Variants in HOXC4 observed in about 807,000 individuals in gnomAD.
The protein encoded by HOXC4 is homeobox C4.
In HOXC4, 15 loss-of-function variants were observed where a neutral mutation model predicts 25.5. The observed-to-expected ratio is 0.59, with a 90% confidence interval of 0.39 to 0.91. The LOEUF is 0.91. HOXC4 is among the 40% of genes least tolerant of loss of function. The pLI is 0.00. For synonymous variants in HOXC4, 165 were observed against 148.0 expected, an observed-to-expected ratio of 1.11 and a Z score of -0.83; for missense variants, 342 against 352.4, an observed-to-expected ratio of 0.97 and a Z score of 0.24.
upstream of HOXC4, among the ~76,000 whole-genome samples, chr12:54,053,604 G>C (rs887664795): frequency 6.6e-6 from 1 of 152,166 alleles, no homozygotes; most frequent in Non-Finnish European, 1.5e-5. Flanking sequence ...GGGGAGCCGG[G>C]AGCTTCCCAT....
chr12:54,023,120 C>T (rs554653904), intron 1 of HOXC4, among the ~76,000 whole-genome samples: 2 of 152,200 alleles, frequency 1.3e-5, no homozygotes, highest in Non-Finnish European at 2.9e-5. Context: ...TGTCCCCAGG[C>T]TCTCCCCAAG....
At chr12:54,043,827 T>C (rs1452469838) in intron 1 of HOXC4, among the ~76,000 whole-genome samples, 2 of 152,004 alleles carry the variant, frequency 1.3e-5, no homozygotes, top group African/African-American at 2.4e-5. Context: ...AACTCCAAAC[T>C]CCTCAGGGCT....
At position 54,054,912 on chromosome 12, in the gene HOXC4, G is replaced by A. The variant is rs1443925806; in HGVS notation, c.502G>A (p.Val168Ile). The part of the protein sequence containing the change: ...RSRTAYTRQQ[V>I]LELEKEFHYN... ...GAGGACAGCCTATACCCGGCAGCAA[G>A]TCCTGGAATTAGAGAAAGAGTTTCA... Residue 168 changes from valine (V) to isoleucine (I), a missense_variant, in exon 2 of 2, where the codon GTC (valine) becomes ATC (isoleucine). Physicochemically the swap from Val to Ile is conservative, Grantham distance 29. Coordinates refer to ENST00000430889, the MANE Select transcript of HOXC4 (RefSeq NM_153633.3). The A allele has an allele frequency of 1.2e-6, 2 of 1,613,978 alleles. No homozygotes were observed. The highest frequency in any genetic ancestry group is 1.3e-5 in the African/African-American group (1 of 74,886).
intron 1 of HOXC4, among the ~76,000 whole-genome samples, chr12:54,029,103 GC>G (rs1460794656): frequency 1.3e-5 from 2 of 152,142 alleles, no homozygotes; most frequent in Non-Finnish European, 2.9e-5. Context: ...GCTTGCAGGG[GC>G]CTGGCCCCCT....
rs1226966524 is a variant in HOXC4, at chr12:54,055,002, A to G, written c.592A>G (p.Arg198Gly). The G allele has an allele frequency of 7.4e-6, 12 of 1,614,030 alleles. 1 individual carries two copies. In the South Asian group the frequency reaches 1.3e-4, roughly 18 times the overall value. The part of the protein sequence containing the change: ...EIAHSLCLSE[R>G]QIKIWFQNRR... Reference sequence around the variant, plus strand: ...CGCCCACTCGCTGTGCCTCTCTGAGAGGCAGATCAAAATCTGGTTCCAAAA... The same window carrying G: ...CGCCCACTCGCTGTGCCTCTCTGAGGGGCAGATCAAAATCTGGTTCCAAAA... Residue 198 changes from arginine to glycine, a missense_variant, in exon 2 of 2, where the codon AGG becomes GGG. Arg to Gly is a moderately radical substitution (Grantham distance 125, BLOSUM62 -2). Coordinates refer to ENST00000430889, the MANE Select transcript of HOXC4 (RefSeq NM_153633.3).
At chr12:54,033,611 C>CTTATA (rs1941079212) in intron 1 of HOXC4, 4 of 1,488,696 alleles carry the variant, frequency 2.7e-6, no homozygotes, top group Admixed American at 4.3e-5. Flanking sequence ...GCTCTCGGGT[C>CTTATA]CGCCTGGGTT....
chr12:54,043,245 A>G (rs1479175303), intron 1 of HOXC4, among the ~76,000 whole-genome samples: 2 of 152,220 alleles, frequency 1.3e-5, no homozygotes, highest in African/African-American at 2.4e-5. Context: ...CTGCATCTGT[A>G]CACATGTACA....
At chr12:54,031,175 C>A (rs1297560571) in intron 1 of HOXC4, among the ~76,000 whole-genome samples, 1 of 152,230 alleles carries the variant, frequency 6.6e-6, no homozygotes, top group East Asian at 1.9e-4. Context: ...AACCCTGAGG[C>A]GCCCCGAAAG....
At chr12:54,046,881 C>T (rs566520460) in intron 1 of HOXC4, among the ~76,000 whole-genome samples, 59 of 152,288 alleles carry the variant, frequency 3.9e-4, no homozygotes, top group South Asian at 3.1e-3. Context: ...CGGAGGTGCG[C>T]GCAGCCACCC....
At chr12:54,032,380 A>G (rs898895336) in intron 1 of HOXC4, among the ~76,000 whole-genome samples, 4 of 152,174 alleles carry the variant, frequency 2.6e-5, no homozygotes, top group Admixed American at 6.5e-5. Flanking sequence ...GCTGATAGGC[A>G]CCTCTTCAGC....
intron 1 of HOXC4, among the ~76,000 whole-genome samples, chr12:54,044,861 T>C (rs1837727053): frequency 6.6e-6 from 1 of 152,162 alleles, no homozygotes; most frequent in African/African-American, 2.4e-5. Context: ...ACCCCCTGGC[T>C]GGCAAGTCCC....
chr12:54,033,574 A>G (rs761608399), intron 1 of HOXC4: 1 of 1,575,402 alleles, frequency 6.3e-7, no homozygotes. Flanking sequence ...CACATGAGCC[A>G]CGGTAAACTT....
At chr12:54,032,500 C>T (rs1341250485) in intron 1 of HOXC4, among the ~76,000 whole-genome samples, 1 of 152,248 alleles carries the variant, frequency 6.6e-6, no homozygotes, top group Non-Finnish European at 1.5e-5. Context: ...CCTTACCTAA[C>T]TTAATCCCCT....
chr12:54,019,558 G>A (rs1940334962), intron 1 of HOXC4, among the ~76,000 whole-genome samples: 1 of 152,172 alleles, frequency 6.6e-6, no homozygotes, highest in South Asian at 2.1e-4. Flanking sequence ...CCCTGTGGAT[G>A]GCCGCTGATG....
At chr12:54,024,382 A>G (rs894736) in intron 1 of HOXC4, among the ~76,000 whole-genome samples, 56,803 of 151,516 alleles carry the variant, frequency 0.37, 10,772 homozygotes, top group East Asian at 0.6. Flanking sequence ...CTGTAGTTGC[A>G]GCGCGGCAGT....
At chr12:54,026,986 T>C (rs890135126) in intron 1 of HOXC4, among the ~76,000 whole-genome samples, 2 of 151,502 alleles carry the variant, frequency 1.3e-5, no homozygotes, top group Non-Finnish European at 2.9e-5. Context: ...GATATGAGCT[T>C]TCTCTGCTCC....
intron 1 of HOXC4, chr12:54,017,453 G>A (rs1231713155): frequency 7.0e-6 from 1 of 141,926 alleles, no homozygotes; most frequent in Non-Finnish European, 1.5e-5. Flanking sequence ...GTAACTAATG[G>A]TCCGTGGCGG....
intron 1 of HOXC4, among the ~76,000 whole-genome samples, chr12:54,026,464 T>A (rs1241560634): frequency 6.6e-6 from 1 of 152,180 alleles, no homozygotes; most frequent in African/African-American, 2.4e-5. Flanking sequence ...TCATCTAAAA[T>A]TTTTTTTCTT....
upstream of HOXC4, among the ~76,000 whole-genome samples, chr12:54,050,786 C>A (rs1387790346): frequency 6.6e-6 from 1 of 152,142 alleles, no homozygotes; most frequent in East Asian, 1.9e-4. Flanking sequence ...GGAGATTTCA[C>A]TTTCTGGATG....
Sources: allele counts gnomAD v4.1 joint callset (sites outside exome capture counted in the v4.1 genomes callset), GRCh38; gene constraint gnomAD v4.1.1; transcripts MANE v1.5; gene names NCBI Gene and HGNC (gene_info 2026-07-23, HGNC 2026-07-21).